Variants in ADAMTS6 observed in about 807,000 individuals in gnomAD.
The protein encoded by ADAMTS6 is ADAM metallopeptidase with thrombospondin type 1 motif 6.
In ADAMTS6, 23 loss-of-function variants were observed where a neutral mutation model predicts 144.3. That is an observed-to-expected ratio of 0.16 (90% CI 0.11 to 0.23). The LOEUF (loss-of-function observed/expected upper bound fraction) is 0.23. ADAMTS6 is among the 10% of genes least tolerant of loss of function. The pLI is 1.00. For missense variants in ADAMTS6, 999 were observed against 1,379.6 expected (o/e 0.72, Z 4.37); for synonymous variants, 444 against 457.5 (o/e 0.97, Z 0.38).
chr5:65,219,765 T>TA (rs1431681267), intron 18 of ADAMTS6, among the ~76,000 whole-genome samples: 1 of 152,188 alleles, frequency 6.6e-6, no homozygotes, highest in Non-Finnish European at 1.5e-5. Flanking sequence ...AAATGCTCAA[T>TA]ATATCAAGAA....
chr5:65,208,741 G>A lies in ADAMTS6; in HGVS notation c.2575+6053C>T, dbSNP rs1014349578. ...TTTACAATTTTATTATTGCATAGCT[G>A]AGCAGTAGAACCACCTGTCACCAAA... On this transcript the variant is annotated intron_variant, in intron 20 of 24. Coordinates refer to ENST00000381055, the MANE Select transcript of ADAMTS6 (RefSeq NM_197941.4). Among the ~76,000 whole-genome samples, 5 of 152,106 alleles carry A rather than the reference G, an allele frequency of 3.3e-5. 1 individual carries two copies. The highest frequency in any genetic ancestry group is 3.3e-4 in the Admixed American group (5 of 15,274).
At chr5:65,231,302 T>C (rs1463524817) in intron 15 of ADAMTS6, among the ~76,000 whole-genome samples, 1 of 152,106 alleles carries the variant, frequency 6.6e-6, no homozygotes, top group Non-Finnish European at 1.5e-5. Context: ...AGTCATTATA[T>C]AATGATAAAG....
chr5:65,156,309 C>CA (rs199620250), intron 24 of ADAMTS6, among the ~76,000 whole-genome samples: 10,793 of 150,786 alleles, frequency 0.072, 1,282 homozygotes, highest in African/African-American at 0.25. Context: ...AAAAAAAACA[C>CA]AAAAAAACGA....
chr5:65,299,812 T>C lies in ADAMTS6; in HGVS notation c.1370+173A>G, dbSNP rs776115417. 7.6e-4 allele frequency among the ~76,000 whole-genome samples: 85 copies of C among 111,428 alleles called. 1 individual carries two copies. Among genetic ancestry groups the C allele is most frequent in the Non-Finnish European group, 1.5e-3 (74 of 49,906 alleles). 73.1% of individuals were successfully genotyped at this position (111,428 alleles called of 152,430 possible). A position where few individuals can be genotyped will look rare whatever the true frequency, so the allele number is the denominator to read the frequency against. ...CTTCCTCTATTCTATAAATTCTATATGAAGAAAAAAAAATTGCCACAATGA... is the reference window on the plus strand; with the variant it reads ...CTTCCTCTATTCTATAAATTCTATACGAAGAAAAAAAAATTGCCACAATGA... On this transcript the variant is annotated intron_variant, in intron 10 of 24. Coordinates refer to ENST00000381055, the MANE Select transcript of ADAMTS6 (RefSeq NM_197941.4).
intron 18 of ADAMTS6, among the ~76,000 whole-genome samples, chr5:65,216,728 G>GA (rs946975793): frequency 1.1e-4 from 16 of 148,870 alleles, no homozygotes; most frequent in African/African-American, 3.2e-4. Context: ...AAAAAACTCA[G>GA]AAAAAATATT....
intron 7 of ADAMTS6, among the ~76,000 whole-genome samples, chr5:65,358,728 T>C (rs1015649947): frequency 1.3e-5 from 2 of 151,980 alleles, no homozygotes; most frequent in South Asian, 2.1e-4. Context: ...ATTCATGCTT[T>C]TGCACTAAAT....
chr5:65,193,455 C>T (rs368758899), intron 21 of ADAMTS6, among the ~76,000 whole-genome samples: 6 of 151,906 alleles, frequency 3.9e-5, no homozygotes, highest in East Asian at 3.8e-4. Context: ...TACAAACAGC[C>T]ACTAAACATA....
chr5:65,406,054 G>C (rs1242712222), intron 7 of ADAMTS6, among the ~76,000 whole-genome samples: 1 of 152,086 alleles, frequency 6.6e-6, no homozygotes, highest in Non-Finnish European at 1.5e-5. Flanking sequence ...GGGCTGAGAC[G>C]ATGGGGTTTT....
chr5:65,250,906 A>T (rs1760100413), intron 14 of ADAMTS6, among the ~76,000 whole-genome samples: 1 of 152,150 alleles, frequency 6.6e-6, no homozygotes, highest in African/African-American at 2.4e-5. Context: ...CCATATTTTT[A>T]CTCTTTACAA....
intron 15 of ADAMTS6, among the ~76,000 whole-genome samples, chr5:65,231,235 A>G (rs1758220160): frequency 6.6e-6 from 1 of 152,036 alleles, no homozygotes; most frequent in Non-Finnish European, 1.5e-5. Flanking sequence ...TGGGAGAGCT[A>G]TACTTATATC....
intron 9 of ADAMTS6, among the ~76,000 whole-genome samples, chr5:65,326,581 G>T (rs1746195617): frequency 6.6e-6 from 1 of 152,158 alleles, no homozygotes; most frequent in African/African-American, 2.4e-5. Context: ...TATTCACACA[G>T]TCTAGTTACT....
At chr5:65,275,383 GA>G (rs1293856408) in intron 11 of ADAMTS6, among the ~76,000 whole-genome samples, 1 of 130,340 alleles carries the variant, frequency 7.7e-6, no homozygotes, top group African/African-American at 2.9e-5. Flanking sequence ...AAGAAAGAAA[GA>G]AAGAAAGAAA....
At chr5:65,405,222 T>C (rs1293390238) in intron 7 of ADAMTS6, among the ~76,000 whole-genome samples, 1 of 152,246 alleles carries the variant, frequency 6.6e-6, no homozygotes, top group East Asian at 1.9e-4. Flanking sequence ...TCCTTGCCTA[T>C]GCCTATATCC....
chr5:65,200,721 A>G (rs1755679039), intron 20 of ADAMTS6, among the ~76,000 whole-genome samples: 1 of 152,160 alleles, frequency 6.6e-6, no homozygotes, highest in South Asian at 2.1e-4. Context: ...CTGTATGTAT[A>G]TGTTTTTTTA....
chr5:65,386,862 C>T (rs992466772), intron 7 of ADAMTS6, among the ~76,000 whole-genome samples: 8 of 152,236 alleles, frequency 5.3e-5, no homozygotes, highest in African/African-American at 1.9e-4. Context: ...CCTGGGAATA[C>T]AGGCATGAGC....
At chr5:65,431,663 C>T (rs976063415) in intron 7 of ADAMTS6, among the ~76,000 whole-genome samples, 14 of 152,066 alleles carry the variant, frequency 9.2e-5, no homozygotes, top group Admixed American at 9.2e-4. Context: ...AGTTTTCTAA[C>T]TGAAACCACT....
At chr5:65,356,858 T>C (rs974639275) in intron 7 of ADAMTS6, among the ~76,000 whole-genome samples, 5 of 151,890 alleles carry the variant, frequency 3.3e-5, no homozygotes, top group African/African-American at 1.2e-4. Flanking sequence ...TTGAAGGTGT[T>C]TAGCTTTCTA....
intron 12 of ADAMTS6, among the ~76,000 whole-genome samples, chr5:65,264,369 T>C (rs1306202710): frequency 6.6e-6 from 1 of 152,088 alleles, no homozygotes; most frequent in African/African-American, 2.4e-5. Context: ...TGTTCCTCCT[T>C]AGAGCATCTG....
At chr5:65,339,688 G>A (rs1747639785) in intron 7 of ADAMTS6, among the ~76,000 whole-genome samples, 1 of 151,594 alleles carries the variant, frequency 6.6e-6, no homozygotes, top group African/African-American at 2.4e-5. Context: ...AGAAATACTA[G>A]AATAGAAGAA....
Sources: allele counts gnomAD v4.1 joint callset (sites outside exome capture counted in the v4.1 genomes callset), GRCh38; gene constraint gnomAD v4.1.1; transcripts MANE v1.5; gene names NCBI Gene and HGNC (gene_info 2026-07-23, HGNC 2026-07-21).